The following ADAMTS17 variants were observed in gnomAD, a reference collection of about 807,000 sequenced individuals.
ADAMTS17 encodes the protein ADAM metallopeptidase with thrombospondin type 1 motif 17, also known as A disintegrin and metalloproteinase with thrombospondin motifs 17.
ADAMTS17 carries 113 observed loss-of-function variants against 141.5 expected under a neutral mutation model. The observed-to-expected ratio is 0.80, with a 90% CI of 0.69 to 0.93. The LOEUF (loss-of-function observed/expected upper bound fraction) is 0.93, where lower values mean the gene tolerates loss of function less well. ADAMTS17 is among the 40% of genes least tolerant of loss of function. The pLI is 0.00. For synonymous variants in ADAMTS17, 768 were observed against 630.6 expected (o/e 1.22, Z -3.27); for missense variants, 1,659 against 1,517.9 (o/e 1.09, Z -1.54).
At chr15:100,271,995 C>T (rs1263380313) in intron 4 of ADAMTS17, among the ~76,000 whole-genome samples, 1 of 149,888 alleles carries the variant, frequency 6.7e-6, no homozygotes, top group Non-Finnish European at 1.5e-5. Context: ...TTGAAGGTCT[C>T]GGCATCCTTA....
intron 6 of ADAMTS17, 24 bp downstream of exon 6, chr15:100,261,455 G>T (rs775795249): frequency 3.1e-6 from 5 of 1,613,522 alleles, no homozygotes; most frequent in Non-Finnish European, 4.2e-6. Flanking sequence ...TCACATGTCA[G>T]CTACAGGCCA....
chr15:100,087,887 G>T (rs1242823130), intron 15 of ADAMTS17, among the ~76,000 whole-genome samples: 2 of 152,164 alleles, frequency 1.3e-5, no homozygotes, highest in African/African-American at 4.8e-5. Context: ...ACATCATACT[G>T]AATGGGCAAA....
rs779584901 is a variant in ADAMTS17 at position 99,976,226 on chromosome 15, CAG to C, written c.2950-6_2950-5del. 20 of 1,544,488 alleles carry C rather than the reference CAG, an allele frequency of 1.3e-5. No individual in the cohort carries two copies. The highest frequency in any genetic ancestry group is 1.7e-5 in the Non-Finnish European group (19 of 1,146,950). ...CCTTCCCGCAGGTCGACGAGCACTGCAGAGACAGGACAGCCTGAGTGGGGCTG... is the reference window on the plus strand; with the variant it reads ...CCTTCCCGCAGGTCGACGAGCACTGCAGACAGGACAGCCTGAGTGGGGCTG... On this transcript the variant is annotated splice_region_variant and splice_polypyrimidine_tract_variant and intron_variant, in intron 20 of 21. Transcript: ENST00000268070.
At position 100,053,148 on chromosome 15, in the gene ADAMTS17, G is replaced by A. The variant is rs1048733120; in HGVS notation, c.2295+749C>T. Among the ~76,000 whole-genome samples, 8 of 152,338 alleles carry A rather than the reference G, an allele frequency of 5.3e-5. No homozygotes were observed. In the East Asian group the frequency reaches 1.5e-3, roughly 29 times the overall value. On this transcript the variant is annotated intron_variant, in intron 16 of 21. Transcript: ENST00000268070. Reference sequence around the variant, plus strand: ...CTGCCACAAATCCTGTTTTTTGGAAGGAGACCCGGAATCGATAATGATGAG... The same window carrying A: ...CTGCCACAAATCCTGTTTTTTGGAAAGAGACCCGGAATCGATAATGATGAG...
At chr15:100,150,840 C>T (rs1481804112) in intron 10 of ADAMTS17, among the ~76,000 whole-genome samples, 1 of 152,184 alleles carries the variant, frequency 6.6e-6, no homozygotes, top group Non-Finnish European at 1.5e-5. Context: ...TTTTCTCTGC[C>T]TGACATCCTC....
intron 9 of ADAMTS17, among the ~76,000 whole-genome samples, chr15:100,154,532 T>A (rs78003607): frequency 0.15 from 22,603 of 152,072 alleles, 1,856 homozygotes; most frequent in Middle Eastern, 0.2. Flanking sequence ...GCTAAGTAGC[T>A]CAGTGACCAG....
chr15:100,261,843 T>C (rs2043530178), intron 5 of ADAMTS17, among the ~76,000 whole-genome samples: 1 of 152,164 alleles, frequency 6.6e-6, no homozygotes, highest in South Asian at 2.1e-4. Context: ...TAGGTGCAAG[T>C]GAAGACTATG....
chr15:100,296,600 T>C (rs1376783049), intron 3 of ADAMTS17, among the ~76,000 whole-genome samples: 6 of 151,978 alleles, frequency 3.9e-5, no homozygotes, highest in African/African-American at 1.4e-4. Context: ...TGTGTGTGTG[T>C]GTGTATGTGT....
chr15:100,142,608 C>G (rs2141295117), intron 10 of ADAMTS17, among the ~76,000 whole-genome samples: 1 of 152,246 alleles, frequency 6.6e-6, no homozygotes, highest in Admixed American at 6.5e-5. Flanking sequence ...GTTTATATTC[C>G]CATTTTGCAG....
chr15:99,986,717 TGG>T (rs1409553754), intron 20 of ADAMTS17, among the ~76,000 whole-genome samples: 1 of 152,216 alleles, frequency 6.6e-6, no homozygotes, highest in Non-Finnish European at 1.5e-5. Flanking sequence ...ATCATTTCAG[TGG>T]TGATTAATGC....
At chr15:100,143,887 T>G (rs892505558) in intron 10 of ADAMTS17, among the ~76,000 whole-genome samples, 1 of 152,178 alleles carries the variant, frequency 6.6e-6, no homozygotes, top group Non-Finnish European at 1.5e-5. Flanking sequence ...TTAAATTGAT[T>G]GGTCTTAAAA....
chr15:100,178,547 C>T (rs1185621393), intron 8 of ADAMTS17, among the ~76,000 whole-genome samples: 2 of 152,046 alleles, frequency 1.3e-5, no homozygotes, highest in Non-Finnish European at 2.9e-5. Context: ...TAAGAATACT[C>T]TATAATATGT....
chr15:100,052,933 A>C (rs1297457150), intron 16 of ADAMTS17, among the ~76,000 whole-genome samples: 2 of 152,258 alleles, frequency 1.3e-5, no homozygotes, highest in Non-Finnish European at 2.9e-5. Flanking sequence ...CCTGGGGGCC[A>C]GCGCTCCCCG....
intron 8 of ADAMTS17, among the ~76,000 whole-genome samples, chr15:100,165,267 C>T (rs4288978): frequency 0.066 from 10,093 of 152,242 alleles, 850 homozygotes; most frequent in African/African-American, 0.18. Flanking sequence ...CATCAGCTCT[C>T]AGAGCACAGC....
chr15:99,987,579 G>A (rs2060614988), intron 20 of ADAMTS17, among the ~76,000 whole-genome samples: 1 of 152,196 alleles, frequency 6.6e-6, no homozygotes, highest in Non-Finnish European at 1.5e-5. Flanking sequence ...CCATCTGCAA[G>A]CTGGACAGCA....
chr15:100,183,186 T>C (rs562636904), intron 8 of ADAMTS17, among the ~76,000 whole-genome samples: 1 of 152,194 alleles, frequency 6.6e-6, no homozygotes, highest in East Asian at 1.9e-4. Flanking sequence ...ACGGGGTTCT[T>C]CTATGTTGAC....
intron 3 of ADAMTS17, among the ~76,000 whole-genome samples, chr15:100,294,724 A>T (rs760416851): frequency 5.3e-5 from 8 of 152,164 alleles, no homozygotes; most frequent in African/African-American, 7.2e-5. Flanking sequence ...CAGTTGTAAG[A>T]GGGGCTCCCC....
intron 6 of ADAMTS17, among the ~76,000 whole-genome samples, chr15:100,260,873 A>G (rs2043492191): frequency 6.6e-6 from 1 of 152,200 alleles, no homozygotes; most frequent in Non-Finnish European, 1.5e-5. Context: ...GCATTAAGTT[A>G]TTTAGGAATA....
intron 3 of ADAMTS17, among the ~76,000 whole-genome samples, chr15:100,310,753 T>C (rs945216774): frequency 2.0e-5 from 3 of 152,062 alleles, no homozygotes; most frequent in Admixed American, 6.6e-5. Flanking sequence ...CTAAGCTTCA[T>C]TGTCCAGCTC....
Sources: gnomAD v4.1 joint callset for allele counts (sites outside exome capture counted in the v4.1 genomes callset) on GRCh38, gnomAD v4.1.1 for gene constraint, MANE v1.5 for transcripts, NCBI Gene and HGNC (gene_info 2026-07-23, HGNC 2026-07-21) for gene names.